The following CCDC144A variants were observed in gnomAD, a reference collection of about 807,000 sequenced individuals.
CCDC144A encodes coiled-coil domain-containing protein 144A.
A neutral mutation model predicts 143.8 loss-of-function variants in CCDC144A; 41 were observed. The ratio of observed to expected loss-of-function variants is 0.29; its 90% CI spans 0.22 to 0.37. CCDC144A has a LOEUF of 0.37. CCDC144A is among the 10% of genes least tolerant of loss of function. The pLI is 1.00. For synonymous variants in CCDC144A, 242 were observed against 517.9 expected (o/e 0.47, Z 7.23); for missense variants, 637 against 1,488.8 (o/e 0.43, Z 9.41).
chr17:16,683,663 G>A, the CCDC144A span: 22 of 1,608,328 alleles, frequency 1.4e-5, no homozygotes, highest in African/African-American at 2.5e-4. Flanking sequence ...CTGCAAGCCC[G>A]GAAGTTTCAG....
chr17:16,706,334 C>T (rs1313528321), intron 3 of CCDC144A: 2 of 144,780 alleles, frequency 1.4e-5, no homozygotes, highest in South Asian at 4.6e-4. Flanking sequence ...AGACCAGGGA[C>T]CACTCTTGAG....
chr17:16,679,483 C>T, the CCDC144A span, among the ~76,000 whole-genome samples: 1 of 151,254 alleles, frequency 6.6e-6, no homozygotes, highest in Non-Finnish European at 1.5e-5. Flanking sequence ...TTTCCTGAGA[C>T]CTCAATTCTC....
the CCDC144A span, among the ~76,000 whole-genome samples, chr17:16,680,198 G>T: frequency 6.6e-6 from 1 of 151,984 alleles, no homozygotes; most frequent in African/African-American, 2.4e-5. Context: ...GGAGGCCGAG[G>T]TGGGAGGATC....
At chr17:16,753,436 T>TGTTGTTGTTGTTGTTG (rs1281845059) in intron 12 of CCDC144A, among the ~76,000 whole-genome samples, 29 of 135,618 alleles carry the variant, frequency 2.1e-4, no homozygotes, top group African/African-American at 9.5e-4. Context: ...TAGTTTTTTT[T>TGTTGTTGTTGTTGTTG]TTTTTTTTTT....
chr17:16,772,172 T>C (rs1915846623), intron 16 of CCDC144A, among the ~76,000 whole-genome samples, 153 bp downstream of exon 16: 1 of 152,100 alleles, frequency 6.6e-6, no homozygotes, highest in Admixed American at 6.6e-5. Context: ...AACTTGAACA[T>C]GTATAATGAA....
chr17:16,709,048 A>C lies in CCDC144A; in HGVS notation c.991A>C (p.Lys331Gln). 1 of 1,611,730 alleles carries C rather than the reference A, an allele frequency of 6.2e-7. No individual in the cohort carries two copies. The highest frequency in any genetic ancestry group is 8.5e-7 in the Non-Finnish European group (1 of 1,179,646). Residue 331 changes from lysine to glutamine, a missense_variant, in exon 5 of 17, where the codon AAG becomes CAG. Transcript: ENST00000399273. Reference protein sequence around the residue: ...LDNSTRGTDVKDIPFNLTNNI... With the variant: ...LDNSTRGTDVQDIPFNLTNNI... ...TAACTCTACAAGAGGAACAGATGTA[A>C]AGGATATTCCCTTTAATTTGACAAA...
rs1275137001 is a variant in CCDC144A, at chr17:16,775,491, T to C, written c.*1858T>C. On this transcript the variant is annotated 3_prime_UTR_variant, in exon 17 of 17. Transcript: ENST00000399273. The stretch of plus-strand genomic sequence containing the variant: ...GAAGTTTTTTTGTTTGTTGGCTGCA[T>C]GTATGCCTTCTTTTGAAAAGTGTCT... 6.6e-6 allele frequency: 1 copy of C among 152,278 alleles called. No individual in the cohort carries two copies. The highest frequency in any genetic ancestry group is 1.5e-5 in the Non-Finnish European group (1 of 68,056). The allele number at this position is 152,278 out of a possible 1,614,324, so 9.4% of individuals were successfully genotyped here.
At chr17:16,698,830 C>G (rs1248222731) in intron 2 of CCDC144A, among the ~76,000 whole-genome samples, 5 of 152,188 alleles carry the variant, frequency 3.3e-5, no homozygotes, top group Non-Finnish European at 7.3e-5. Flanking sequence ...TTTAGACAAA[C>G]TGACATTTTA....
At chr17:16,744,680 C>CT (rs1488318496) in intron 12 of CCDC144A, among the ~76,000 whole-genome samples, 1 of 151,098 alleles carries the variant, frequency 6.6e-6, no homozygotes, top group Non-Finnish European at 1.5e-5. Context: ...TGAATGGTTC[C>CT]TTTTCCTATG....
chr17:16,673,246 C>T, the CCDC144A span, among the ~76,000 whole-genome samples: 1 of 151,772 alleles, frequency 6.6e-6, no homozygotes, highest in South Asian at 2.1e-4. Context: ...AGGTTCTGCC[C>T]ACACCAAGCC....
intron 15 of CCDC144A, among the ~76,000 whole-genome samples, chr17:16,770,692 C>CT (rs1915793757): frequency 6.6e-6 from 1 of 151,826 alleles, no homozygotes; most frequent in Admixed American, 6.6e-5. Context: ...AAGAATGGAA[C>CT]TTTTTTAAAT....
intron 12 of CCDC144A, among the ~76,000 whole-genome samples, chr17:16,755,046 A>G (rs1403995810): frequency 2.0e-5 from 3 of 152,234 alleles, no homozygotes; most frequent in Non-Finnish European, 1.5e-5. Flanking sequence ...TGATATAAAT[A>G]TAGCTACTCC....
At chr17:16,756,341 A>G (rs1012086146) in intron 12 of CCDC144A, among the ~76,000 whole-genome samples, 12 of 152,124 alleles carry the variant, frequency 7.9e-5, no homozygotes, top group African/African-American at 2.9e-4. Flanking sequence ...CTGGCCTCAT[A>G]TAAAGACCTC....
At chr17:16,675,909 A>ATTTT in the CCDC144A span, among the ~76,000 whole-genome samples, 2 of 145,380 alleles carry the variant, frequency 1.4e-5, no homozygotes, top group Non-Finnish European at 3.0e-5. Flanking sequence ...AGCCCAGCTA[A>ATTTT]TTTTTTTTTT....
intron 2 of CCDC144A, among the ~76,000 whole-genome samples, chr17:16,694,908 A>G (rs929249427): frequency 6.6e-6 from 1 of 152,276 alleles, no homozygotes. Flanking sequence ...AAATATTCAA[A>G]TAGCCCAACT....
intron 1 of CCDC144A, chr17:16,691,895 G>C (rs1911109263): frequency 6.6e-6 from 1 of 151,966 alleles, no homozygotes; most frequent in Non-Finnish European, 1.5e-5. Context: ...TTTTTGAAGT[G>C]GTCCATATTT....
Position 16,735,040 on chromosome 17 carries a change from T to A in CCDC144A, c.2769T>A (p.Ala923=), listed in dbSNP as rs756525362. ...MESYRCRLAA[A]VRDCDQSQTA... is the part of the protein sequence containing the mutation. Reference sequence around the variant, plus strand: ...CATACCGTTGTAGACTAGCTGCTGCTGTACGTGACTGTGATCAAAGTCAGA... The same window carrying A: ...CATACCGTTGTAGACTAGCTGCTGCAGTACGTGACTGTGATCAAAGTCAGA... The change falls in exon 12 of 17, where the codon GCT becomes GCA. Residue 923 remains alanine (A), a synonymous_variant. Transcript: ENST00000399273. The A allele has an allele frequency of 1.2e-6, 2 of 1,611,908 alleles. No individual in the cohort carries two copies. Among genetic ancestry groups the A allele is most frequent in the Admixed American group, 1.7e-5 (1 of 59,960 alleles).
intron 12 of CCDC144A, among the ~76,000 whole-genome samples, chr17:16,748,971 G>GTTATTTAT (rs59024455): frequency 0.07 from 10,509 of 150,544 alleles, 437 homozygotes; most frequent in Middle Eastern, 0.17. Flanking sequence ...GATGTTCTCT[G>GTTATTTAT]TTATTTATTT....
In CCDC144A at chr17:16,732,525, A is replaced by C. The variant is rs773318647; in HGVS notation, c.2290-13A>C. 9 of 1,603,888 alleles carry C rather than the reference A, an allele frequency of 5.6e-6. No homozygotes were observed. The East Asian group carries it at 1.8e-4, about 32-fold the overall frequency. Reference sequence around the variant, plus strand: ...TCAGTGCTATTAGACCAAAACCTCCATGTTATCTCTAGGTTGTGCAGGAGA... The same window carrying C: ...TCAGTGCTATTAGACCAAAACCTCCCTGTTATCTCTAGGTTGTGCAGGAGA... On this transcript the variant is annotated splice_polypyrimidine_tract_variant and intron_variant, in intron 10 of 16. Coordinates refer to ENST00000399273, the MANE Select transcript of CCDC144A (RefSeq NM_001382000.1).
Sources: gnomAD v4.1 joint callset for allele counts (sites outside exome capture counted in the v4.1 genomes callset) on GRCh38, gnomAD v4.1.1 for gene constraint, MANE v1.5 for transcripts, NCBI Gene and HGNC (gene_info 2026-07-23, HGNC 2026-07-21) for gene names.